The following RBFOX1 variants were observed in gnomAD, a reference collection of about 807,000 sequenced individuals.
RBFOX1 encodes the protein RNA binding protein fox-1 homolog 1.
Under a neutral mutation model 57.7 loss-of-function variants are expected in RBFOX1, and 8 were observed. The observed-to-expected ratio is 0.14, with a 90% confidence interval of 0.08 to 0.25. The LOEUF is 0.25. Among genes scored for constraint, RBFOX1 ranks in the 10% least tolerant of loss-of-function variants. The probability of loss-of-function intolerance (pLI) is 1.00; values close to 1 mark genes in which losing one functional copy is unlikely to be tolerated. For missense variants in RBFOX1, 611 were observed against 548.5 expected (o/e 1.11, Z -1.14); for synonymous variants, 326 against 222.4 (o/e 1.47, Z -4.15).
At chr16:7,233,245 A>G in intron 4 of RBFOX1, among the ~76,000 whole-genome samples, 1 of 145,812 alleles carries the variant, frequency 6.9e-6, no homozygotes, top group East Asian at 2.0e-4. Flanking sequence ...TTCTTATCCC[A>G]TTGACTTTGA....
At chr16:6,410,618 G>C (rs2093429365) in intron 2 of RBFOX1, among the ~76,000 whole-genome samples, 1 of 151,992 alleles carries the variant, frequency 6.6e-6, no homozygotes, top group Admixed American at 6.6e-5. Flanking sequence ...TTCTATTTGA[G>C]GCCCTGCGCT....
intron 2 of RBFOX1, among the ~76,000 whole-genome samples, chr16:6,362,180 C>T (rs2088678007): frequency 6.6e-6 from 1 of 151,894 alleles, no homozygotes; most frequent in Non-Finnish European, 1.5e-5. Context: ...CACCCCACGC[C>T]CCCCCAAAAA....
chr16:5,837,229 C>T (rs775864449), intron 3 of RBFOX1, among the ~76,000 whole-genome samples: 7 of 151,846 alleles, frequency 4.6e-5, no homozygotes, highest in Non-Finnish European at 1.0e-4. Context: ...TCTCTATATT[C>T]CAGTCCCGCT....
chr16:7,659,033 T>TATTA (rs2067031088), intron 12 of RBFOX1, among the ~76,000 whole-genome samples: 1 of 152,180 alleles, frequency 6.6e-6, no homozygotes, highest in African/African-American at 2.4e-5. Flanking sequence ...GCCATGTTTT[T>TATTA]ATTATTATTC....
chr16:6,240,081 C>G (rs12446766), intron 1 of RBFOX1, among the ~76,000 whole-genome samples: 3,808 of 152,186 alleles, frequency 0.025, 59 homozygotes, highest in Middle Eastern at 0.051. Flanking sequence ...ACGCATCTCG[C>G]TCTACTCCTT....
At chr16:7,154,467 C>G (rs1372048709) in intron 4 of RBFOX1, among the ~76,000 whole-genome samples, 1 of 152,180 alleles carries the variant, frequency 6.6e-6, no homozygotes. Context: ...ATTTACCTGA[C>G]AAGAGGTCAT....
intron 2 of RBFOX1, among the ~76,000 whole-genome samples, chr16:5,497,240 A>C (rs964787731): frequency 2.3e-4 from 35 of 151,936 alleles, no homozygotes; most frequent in African/African-American, 6.5e-4. Context: ...ATTATCTTTG[A>C]AATCCTTTGG....
intron 1 of RBFOX1, among the ~76,000 whole-genome samples, chr16:5,284,969 G>A (rs551901923): frequency 6.6e-6 from 1 of 151,708 alleles, no homozygotes; most frequent in East Asian, 1.9e-4. Context: ...ATTTATTTGG[G>A]AATCTTTGAG....
chr16:5,657,595 T>C (rs920678734), intron 3 of RBFOX1, among the ~76,000 whole-genome samples: 2 of 150,640 alleles, frequency 1.3e-5, no homozygotes, highest in Admixed American at 1.3e-4. Context: ...GTCTGTAAAT[T>C]CTTTCTCGCT....
At chr16:7,059,330 C>G (rs1332551823) in intron 4 of RBFOX1, among the ~76,000 whole-genome samples, 1 of 152,148 alleles carries the variant, frequency 6.6e-6, no homozygotes, top group Non-Finnish European at 1.5e-5. Flanking sequence ...TGAGTTCTTC[C>G]TGACTATAAT....
intron 4 of RBFOX1, among the ~76,000 whole-genome samples, chr16:7,314,606 T>C (rs1344817416): frequency 6.6e-6 from 1 of 152,232 alleles, no homozygotes; most frequent in Non-Finnish European, 1.5e-5. Flanking sequence ...ATCACGGTCC[T>C]ATTTGTTTCC....
chr16:6,867,596 G>C (rs2060162668), intron 3 of RBFOX1, among the ~76,000 whole-genome samples: 1 of 152,102 alleles, frequency 6.6e-6, no homozygotes, highest in African/African-American at 2.4e-5. Flanking sequence ...GTACCGGCCT[G>C]TAATCCCAGC....
intron 1 of RBFOX1, among the ~76,000 whole-genome samples, chr16:5,254,000 G>C (rs1452820181): frequency 6.6e-6 from 1 of 152,082 alleles, no homozygotes; most frequent in African/African-American, 2.4e-5. Flanking sequence ...ACTAGCTCAG[G>C]TACAGCTTCC....
chr16:7,056,289 G>A (rs2052235754), intron 4 of RBFOX1, among the ~76,000 whole-genome samples: 1 of 152,182 alleles, frequency 6.6e-6, no homozygotes, highest in African/African-American at 2.4e-5. Flanking sequence ...CTACACAACA[G>A]GGAAACTTGT....
chr16:7,523,712 G>T (rs569075345), intron 5 of RBFOX1, among the ~76,000 whole-genome samples: 1 of 152,084 alleles, frequency 6.6e-6, no homozygotes. Flanking sequence ...ACTGGTATTG[G>T]GTAAGTGCGG....
intron 9 of RBFOX1, among the ~76,000 whole-genome samples, chr16:7,601,045 T>C (rs1348577163): frequency 6.6e-6 from 1 of 152,196 alleles, no homozygotes; most frequent in East Asian, 1.9e-4. Context: ...CAATACAAGA[T>C]TGAGAGCTGA....
Position 7,415,591 on chromosome 16 carries a change from T to C in RBFOX1, c.28-102556T>C, listed in dbSNP as rs114699293. On this transcript the variant is annotated intron_variant, in intron 4 of 15. Coordinates refer to ENST00000550418, the MANE Select transcript of RBFOX1 (RefSeq NM_018723.4). ...GTGATTTGGGGTGACACACAAAATT[T>C]ATAATATACGTAATATTATTAAGAA... 3.7e-3 allele frequency among the ~76,000 whole-genome samples: 558 copies of C among 152,278 alleles called. 1 individual carries two copies. The highest frequency in any genetic ancestry group is 0.012 in the African/African-American group (506 of 41,548).
intron 3 of RBFOX1, among the ~76,000 whole-genome samples, chr16:6,815,964 T>C (rs543327865): frequency 1.4e-4 from 22 of 152,338 alleles, no homozygotes; most frequent in Non-Finnish European, 2.9e-4. Context: ...AGAGTATTAA[T>C]ATTAAGGTTG....
chr16:5,830,035 C>G (rs1380101559), intron 3 of RBFOX1, among the ~76,000 whole-genome samples: 1 of 152,176 alleles, frequency 6.6e-6, no homozygotes, highest in Non-Finnish European at 1.5e-5. Flanking sequence ...ATAGCCATGA[C>G]ATTTCCTTGT....
Sources: gnomAD v4.1 joint callset for allele counts (sites outside exome capture counted in the v4.1 genomes callset) on GRCh38, gnomAD v4.1.1 for gene constraint, MANE v1.5 for transcripts, NCBI Gene and HGNC (gene_info 2026-07-23, HGNC 2026-07-21) for gene names.